Variants in RGS7 observed in about 807,000 individuals in gnomAD.
RGS7 encodes regulator of G-protein signaling 7.
A neutral mutation model predicts 81.1 loss-of-function variants in RGS7; 27 were observed. The observed-to-expected ratio is 0.33, with a 90% CI of 0.25 to 0.46. RGS7 has a LOEUF of 0.46. Ranked by LOEUF, RGS7 falls within the 20% of genes least tolerant of loss-of-function variation. The pLI, the probability that RGS7 is intolerant of heterozygous loss-of-function variation, is 1.00. For missense variants in RGS7, 396 were observed against 607.4 expected (o/e 0.65, Z 3.66); for synonymous variants, 208 against 207.7 (o/e 1.00, Z -0.01).
At chr1:240,892,827 G>A (rs1668483005) in intron 6 of RGS7, among the ~76,000 whole-genome samples, 1 of 151,832 alleles carries the variant, frequency 6.6e-6, no homozygotes, top group South Asian at 2.1e-4. Context: ...TCTGATTTGG[G>A]GCTGCCTGAT....
intron 13 of RGS7, among the ~76,000 whole-genome samples, chr1:240,812,527 C>T (rs1024290791): frequency 6.6e-6 from 1 of 151,580 alleles, no homozygotes; most frequent in East Asian, 1.9e-4. Context: ...CTCCACCTCC[C>T]GGGTTCAAGA....
intron 4 of RGS7, among the ~76,000 whole-genome samples, chr1:240,965,257 G>A (rs1228658172): frequency 6.6e-6 from 1 of 152,124 alleles, no homozygotes; most frequent in Non-Finnish European, 1.5e-5. Context: ...GCCCCTTTAT[G>A]ATGCTGGAGA....
intron 3 of RGS7, among the ~76,000 whole-genome samples, chr1:241,074,932 C>T (rs543674850): frequency 4.0e-4 from 61 of 152,250 alleles, no homozygotes; most frequent in African/African-American, 1.4e-3. Context: ...TTGCTTAGCA[C>T]AGAAGGCTGG....
intron 3 of RGS7, among the ~76,000 whole-genome samples, chr1:241,006,181 C>A (rs534185896): frequency 5.3e-5 from 8 of 152,222 alleles, no homozygotes; most frequent in Non-Finnish European, 1.0e-4. Context: ...TTTTAAGTGG[C>A]CTCAGTTATA....
intron 2 of RGS7, among the ~76,000 whole-genome samples, chr1:241,243,526 C>T (rs2076363234): frequency 6.6e-6 from 1 of 151,876 alleles, no homozygotes; most frequent in South Asian, 2.1e-4. Context: ...GTGCAGCCAA[C>T]AAGACAAAAA....
At chr1:241,285,494 G>C (rs554719755) in intron 2 of RGS7, among the ~76,000 whole-genome samples, 1 of 152,140 alleles carries the variant, frequency 6.6e-6, no homozygotes, top group South Asian at 2.1e-4. Flanking sequence ...TTGGAAACAA[G>C]AGTCTGTCTT....
intron 2 of RGS7, among the ~76,000 whole-genome samples, chr1:241,339,689 A>T (rs183760854): frequency 3.3e-4 from 51 of 152,346 alleles, no homozygotes; most frequent in African/African-American, 1.2e-3. Context: ...AGATGATTGC[A>T]TTCTGGCCTG....
At chr1:240,963,756 G>A (rs751378610) in intron 4 of RGS7, among the ~76,000 whole-genome samples, 6 of 152,220 alleles carry the variant, frequency 3.9e-5, no homozygotes, top group African/African-American at 9.6e-5. Flanking sequence ...AATAGCTAGC[G>A]TGGACCATGA....
At chr1:241,027,290 A>T (rs1330339691) in intron 3 of RGS7, among the ~76,000 whole-genome samples, 3 of 152,088 alleles carry the variant, frequency 2.0e-5, no homozygotes, top group Non-Finnish European at 4.4e-5. Flanking sequence ...CTGGAGGAGA[A>T]ACTTGGGAAG....
At chr1:241,176,530 T>C (rs2071158060) in intron 2 of RGS7, among the ~76,000 whole-genome samples, 1 of 152,096 alleles carries the variant, frequency 6.6e-6, no homozygotes, top group South Asian at 2.1e-4. Context: ...AGTTTTCTAA[T>C]TGGCTGAGGA....
chr1:241,063,171 G>A lies in RGS7; in HGVS notation c.175+35495C>T, dbSNP rs563298940. ...ACAGTTCTTTACTTGCATAAAGCTA[G>A]TATGGATTATCCCAACTTTTATAAT... On this transcript the variant is annotated intron_variant, in intron 3 of 18. Coordinates refer to ENST00000440928, the MANE Select transcript of RGS7 (RefSeq NM_001364886.1). Among the ~76,000 whole-genome samples the A allele has an allele frequency of 2.0e-5, 3 of 152,290 alleles. No individual in the cohort carries two copies. The East Asian group carries it at 5.8e-4, about 29-fold the overall frequency.
intron 2 of RGS7, among the ~76,000 whole-genome samples, chr1:241,209,131 G>A (rs2074096892): frequency 6.6e-6 from 1 of 152,218 alleles, no homozygotes; most frequent in Non-Finnish European, 1.5e-5. Flanking sequence ...TTAGAGAGAT[G>A]TCTCTAGTGG....
intron 3 of RGS7, among the ~76,000 whole-genome samples, chr1:241,036,774 C>T (rs146982796): frequency 3.2e-4 from 48 of 152,180 alleles, no homozygotes; most frequent in Non-Finnish European, 6.5e-4. Context: ...CCTAGCTTGC[C>T]GTGCAGTTAG....
intron 2 of RGS7, among the ~76,000 whole-genome samples, chr1:241,267,270 C>T (rs981615572): frequency 6.6e-6 from 1 of 152,180 alleles, no homozygotes; most frequent in African/African-American, 2.4e-5. Flanking sequence ...ATGGAGGGGT[C>T]TGAGTAAGTG....
chr1:241,247,707 A>G (rs762080135), intron 2 of RGS7, among the ~76,000 whole-genome samples: 57 of 152,224 alleles, frequency 3.7e-4, no homozygotes, highest in Admixed American at 7.9e-4. Flanking sequence ...CAACTAAAAA[A>G]AAAAATAGGT....
At chr1:241,036,480 G>A (rs960290484) in intron 3 of RGS7, among the ~76,000 whole-genome samples, 3 of 152,112 alleles carry the variant, frequency 2.0e-5, no homozygotes, top group African/African-American at 7.2e-5. Context: ...GTGGTTGTTG[G>A]CCTTAGCTAC....
intron 2 of RGS7, among the ~76,000 whole-genome samples, chr1:241,156,211 G>C (rs1430070079): frequency 6.6e-6 from 1 of 152,036 alleles, no homozygotes; most frequent in Non-Finnish European, 1.5e-5. Context: ...TAGATGCTAG[G>C]CTGGGAGTGG....
At chr1:241,240,404 T>G (rs2076206523) in intron 2 of RGS7, among the ~76,000 whole-genome samples, 1 of 152,220 alleles carries the variant, frequency 6.6e-6, no homozygotes, top group Admixed American at 6.5e-5. Context: ...TAGATAGGTT[T>G]GATGGAGCTG....
intron 2 of RGS7, among the ~76,000 whole-genome samples, chr1:241,349,985 T>C (rs542624113): frequency 3.3e-5 from 5 of 152,318 alleles, no homozygotes; most frequent in African/African-American, 1.2e-4. Flanking sequence ...GCTTCTCTTT[T>C]GCACATTTGC....
Sources: allele counts gnomAD v4.1 joint callset (sites outside exome capture counted in the v4.1 genomes callset), GRCh38; gene constraint gnomAD v4.1.1; transcripts MANE v1.5; gene names NCBI Gene and HGNC (gene_info 2026-07-23, HGNC 2026-07-21).